Variants in PPP1R12A observed in about 807,000 individuals in gnomAD.
PPP1R12A encodes myosin binding subunit.
In PPP1R12A, 19 loss-of-function variants were observed where a neutral mutation model predicts 139.6. That is an observed-to-expected ratio of 0.14 (90% CI 0.09 to 0.20). The LOEUF (loss-of-function observed/expected upper bound fraction) is 0.20. Ranked by LOEUF, PPP1R12A falls within the 10% of genes least tolerant of loss-of-function variation. The pLI is 1.00. For missense variants in PPP1R12A, 925 were observed against 1,211.5 expected (o/e 0.76, Z 3.51); for synonymous variants, 427 against 420.6 (o/e 1.02, Z -0.19).
Position 79,817,440 on chromosome 12 carries a change from G to A in PPP1R12A, c.1193C>T (p.Pro398Leu). Residue 398 changes from proline to leucine, a missense_variant, in exon 9 of 25, where the codon CCT (proline) becomes CTT (leucine). Pro to Leu is a moderately conservative substitution (Grantham distance 98). Coordinates refer to ENST00000450142, the MANE Select transcript of PPP1R12A (RefSeq NM_002480.3). ...TQAAPVAVTT[P>L]TVSSGQATPT... ...TGTTGCTTGACCTGATGACACAGTA[G>A]GTGTTGTAACAGCTACAGGAGCTGC... The A allele has an allele frequency of 2.5e-6, 4 of 1,611,870 alleles. No individual in the cohort carries two copies. The highest frequency in any genetic ancestry group is 3.4e-6 in the Non-Finnish European group (4 of 1,178,804).
intron 1 of PPP1R12A, among the ~76,000 whole-genome samples, chr12:79,883,159 C>CA (rs965308728): frequency 2.6e-5 from 4 of 151,500 alleles, no homozygotes; most frequent in African/African-American, 9.7e-5. Context: ...CAAAACAAAA[C>CA]AAAAAAAACC....
At chr12:79,870,886 A>G (rs1162536583) in intron 2 of PPP1R12A, among the ~76,000 whole-genome samples, 1 of 152,240 alleles carries the variant, frequency 6.6e-6, no homozygotes, top group African/African-American at 2.4e-5. Context: ...CCAGGCCAAA[A>G]GAAGTCCCAT....
chr12:79,907,371 G>A lies in PPP1R12A; in HGVS notation c.237+27324C>T, dbSNP rs543523967. On this transcript the variant is annotated intron_variant, in intron 1 of 24. Transcript: ENST00000450142. Reference sequence around the variant, plus strand: ...ACTCTGGAACTTCTTTAAAAATTGGGGGGGAAAAACTTCTGAGTGTCCTAA... The same window carrying A: ...ACTCTGGAACTTCTTTAAAAATTGGAGGGGAAAAACTTCTGAGTGTCCTAA... 4.6e-5 allele frequency among the ~76,000 whole-genome samples: 7 copies of A among 152,130 alleles called. No homozygotes were observed. In the South Asian group the frequency reaches 1.5e-3, roughly 32 times the overall value.
At chr12:79,910,146 T>A (rs1456305749) in intron 1 of PPP1R12A, among the ~76,000 whole-genome samples, 2 of 152,102 alleles carry the variant, frequency 1.3e-5, no homozygotes, top group African/African-American at 2.4e-5. Flanking sequence ...AAGACCTAAT[T>A]CAAACATAAT....
intron 1 of PPP1R12A, among the ~76,000 whole-genome samples, chr12:79,900,042 T>C (rs1184529837): frequency 1.3e-5 from 2 of 152,222 alleles, no homozygotes; most frequent in Admixed American, 6.5e-5. Context: ...AACTGTGTGT[T>C]AGCCATCCTT....
upstream of PPP1R12A, chr12:79,935,222 C>A: frequency 7.9e-7 from 1 of 1,271,492 alleles, no homozygotes; most frequent in Non-Finnish European, 9.9e-7. Context: ...TGGGAGGCGC[C>A]CTTCGACCAG....
At chr12:79,934,576 C>T in intron 1 of PPP1R12A, 119 bp downstream of exon 1, 1 of 982,032 alleles carries the variant, frequency 1.0e-6, no homozygotes, top group Non-Finnish European at 1.4e-6. Context: ...CCCCTCACCC[C>T]GCAGCAGGGA....
chr12:79,869,707 A>AC (rs1882360268), intron 2 of PPP1R12A, among the ~76,000 whole-genome samples: 1 of 152,160 alleles, frequency 6.6e-6, no homozygotes, highest in Non-Finnish European at 1.5e-5. Flanking sequence ...ATATGAGAAA[A>AC]AAGACTTAGG....
chr12:79,806,893 C>G (rs1873904937), intron 12 of PPP1R12A: 1 of 174,878 alleles, frequency 5.7e-6, no homozygotes, highest in Admixed American at 6.1e-5. Context: ...CCAAATCTTT[C>G]CAGATCAACA....
At chr12:79,788,627 A>G (rs1565738703) in intron 21 of PPP1R12A, 21 bp downstream of exon 21, 3 of 1,578,034 alleles carry the variant, frequency 1.9e-6, no homozygotes, top group South Asian at 2.4e-5. Context: ...TTTATTAAAT[A>G]TAACTAAATA....
chr12:79,807,914 G>A (rs1319804567), intron 11 of PPP1R12A, among the ~76,000 whole-genome samples: 2 of 151,810 alleles, frequency 1.3e-5, no homozygotes, highest in Non-Finnish European at 2.9e-5. Flanking sequence ...GCAGGTGCCT[G>A]TAATCCCAGC....
At chr12:79,844,614 A>G (rs1879167756) in intron 3 of PPP1R12A, among the ~76,000 whole-genome samples, 1 of 152,156 alleles carries the variant, frequency 6.6e-6, no homozygotes, top group African/African-American at 2.4e-5. Flanking sequence ...TCTTCCTACA[A>G]TCTATTTTCA....
intron 1 of PPP1R12A, among the ~76,000 whole-genome samples, chr12:79,928,801 C>T (rs4842325): frequency 0.81 from 122,478 of 152,120 alleles, 51,090 homozygotes; most frequent in Non-Finnish European, 0.92. Flanking sequence ...AAAGTATTCC[C>T]TTTACTGACG....
chr12:79,917,559 C>CTGA (rs1357583245), intron 1 of PPP1R12A, among the ~76,000 whole-genome samples: 3 of 150,998 alleles, frequency 2.0e-5, no homozygotes, highest in Non-Finnish European at 4.4e-5. Context: ...AACAAATCTG[C>CTGA]TGATGCTTAC....
intron 7 of PPP1R12A, 22 bp downstream of exon 7, chr12:79,821,056 T>G (rs767401989): frequency 1.9e-6 from 3 of 1,596,510 alleles, no homozygotes; most frequent in Middle Eastern, 1.7e-4. Context: ...AAATAACAAA[T>G]GTACTTGAAT....
rs141763097 is a variant in PPP1R12A, at chr12:79,909,676, C to G, written c.237+25019G>C. Among the ~76,000 whole-genome samples the G allele has an allele frequency of 5.4e-3, 811 of 151,132 alleles. 6 individuals are homozygous for G. Among genetic ancestry groups the G allele is most frequent in the African/African-American group, 0.019 (770 of 41,046 alleles). ...TTGAACCCGGGAGGTGGAGGCTGCA[C>G]TGAGCCGAGATCACGCTACTGTACT... On this transcript the variant is annotated intron_variant, in intron 1 of 24. Coordinates refer to ENST00000450142, the MANE Select transcript of PPP1R12A (RefSeq NM_002480.3).
chr12:79,832,664 G>A, intron 3 of PPP1R12A, 173 bp from the exon 4 acceptor site: 2 of 505,200 alleles, frequency 4.0e-6, no homozygotes, highest in Non-Finnish European at 6.5e-6. Flanking sequence ...GGATATTGTA[G>A]ACCTTGTATT....
chr12:79,839,743 G>A (rs1212108355), intron 3 of PPP1R12A, among the ~76,000 whole-genome samples: 1 of 152,122 alleles, frequency 6.6e-6, no homozygotes, highest in African/African-American at 2.4e-5. Context: ...GTTTCCTGAT[G>A]TGTTTGCTTT....
At chr12:79,780,428 G>GAGTATGAATGTGTCTGCATC (rs1870296315) in intron 23 of PPP1R12A, 1 of 151,958 alleles carries the variant, frequency 6.6e-6, no homozygotes, top group Non-Finnish European at 1.5e-5. Context: ...GAGCTTGTCA[G>GAGTATGAATGTGTCTGCATC]AGTATGAATG....
Sources: gnomAD v4.1 joint callset for allele counts (sites outside exome capture counted in the v4.1 genomes callset) on GRCh38, gnomAD v4.1.1 for gene constraint, MANE v1.5 for transcripts, NCBI Gene and HGNC (gene_info 2026-07-23, HGNC 2026-07-21) for gene names.